The following SYT1 variants were observed in gnomAD, a reference collection of about 807,000 sequenced individuals.
SYT1 encodes synaptotagmin-1.
Under a neutral mutation model 44.8 loss-of-function variants are expected in SYT1, and 8 were observed. That is an observed-to-expected ratio of 0.18 (90% confidence interval 0.10 to 0.32). The LOEUF is 0.32. Ranked by LOEUF, SYT1 falls within the 10% of genes least tolerant of loss-of-function variation. SYT1 has a pLI of 1.00. For missense variants in SYT1, 286 were observed against 509.3 expected, an observed-to-expected ratio of 0.56 and a Z score of 4.22; for synonymous variants, 154 against 188.8, an observed-to-expected ratio of 0.82 and a Z score of 1.51.
chr12:79,323,948 CTT>C (rs56962075), intron 8 of SYT1, among the ~76,000 whole-genome samples: 54 of 112,628 alleles, frequency 4.8e-4, no homozygotes, highest in Middle Eastern at 5.9e-3. Flanking sequence ...TTTCTATTTT[CTT>C]TTTTTTTTTT....
intron 3 of SYT1, among the ~76,000 whole-genome samples, chr12:79,170,209 T>C (rs1871435813): frequency 6.6e-6 from 1 of 152,182 alleles, no homozygotes; most frequent in Non-Finnish European, 1.5e-5. Context: ...TTTGAGTATA[T>C]ACCCAGTAAT....
At chr12:79,037,345 C>T (rs1339113152) in intron 2 of SYT1, among the ~76,000 whole-genome samples, 1 of 151,426 alleles carries the variant, frequency 6.6e-6, no homozygotes, top group Non-Finnish European at 1.5e-5. Flanking sequence ...CATTGTCATC[C>T]CCCCTTTCTA....
intron 3 of SYT1, among the ~76,000 whole-genome samples, chr12:79,047,976 T>C (rs1235763732): frequency 6.6e-6 from 1 of 151,884 alleles, no homozygotes; most frequent in Non-Finnish European, 1.5e-5. Flanking sequence ...TCAATCTTTA[T>C]GGTAAAATTG....
chr12:79,276,705 A>G (rs1878750405), intron 4 of SYT1, among the ~76,000 whole-genome samples: 1 of 151,648 alleles, frequency 6.6e-6, no homozygotes, highest in Non-Finnish European at 1.5e-5. Flanking sequence ...CAGAACTTCT[A>G]GAAATAAAAG....
chr12:79,375,104 CT>C, intron 9 of SYT1, among the ~76,000 whole-genome samples: 1 of 152,160 alleles, frequency 6.6e-6, no homozygotes, highest in East Asian at 1.9e-4. Context: ...AAATATTAAT[CT>C]TTTTTATTTT....
intron 8 of SYT1, among the ~76,000 whole-genome samples, chr12:79,333,245 A>G (rs184388193): frequency 1.3e-3 from 191 of 152,308 alleles, no homozygotes; most frequent in African/African-American, 4.4e-3. Context: ...GTGTCTGATG[A>G]AGTCCGCTTA....
chr12:78,907,725 A>C (rs932518778), intron 1 of SYT1, among the ~76,000 whole-genome samples: 2 of 152,018 alleles, frequency 1.3e-5, no homozygotes, highest in African/African-American at 4.8e-5. Flanking sequence ...CCTCCCAGTT[A>C]TTACTGTCAT....
At chr12:78,926,475 T>G (rs1339811855) in intron 1 of SYT1, 2 of 152,100 alleles carry the variant, frequency 1.3e-5, no homozygotes, top group Non-Finnish European at 2.9e-5. Context: ...TTTGAATTAT[T>G]TTCCTATTTT....
intron 3 of SYT1, among the ~76,000 whole-genome samples, chr12:79,119,084 T>C (rs1232787327): frequency 1.3e-5 from 2 of 152,114 alleles, no homozygotes; most frequent in South Asian, 2.1e-4. Flanking sequence ...ACCCCTAATA[T>C]ATTCCTACAA....
At chr12:79,245,553 G>A (rs1276415289) in intron 4 of SYT1, among the ~76,000 whole-genome samples, 2 of 149,320 alleles carry the variant, frequency 1.3e-5, no homozygotes, top group African/African-American at 4.9e-5. Context: ...TGAGAAGAAT[G>A]TTTATAACAA....
chr12:78,876,929 T>TTATATATTATATGTATTATATATAA (rs1874203637), intron 1 of SYT1, among the ~76,000 whole-genome samples: 2 of 115,884 alleles, frequency 1.7e-5, no homozygotes, highest in African/African-American at 3.2e-5. Flanking sequence ...ATAATATATA[T>TTATATATTATATGTATTATATATAA]TATATATTAT....
At chr12:78,875,455 G>A (rs1397052430) in intron 1 of SYT1, among the ~76,000 whole-genome samples, 1 of 151,554 alleles carries the variant, frequency 6.6e-6, no homozygotes, top group African/African-American at 2.4e-5. Flanking sequence ...TGGGGAATGT[G>A]ATCAACCAAA....
At chr12:78,894,133 C>A (rs1875210297) in intron 1 of SYT1, among the ~76,000 whole-genome samples, 1 of 151,014 alleles carries the variant, frequency 6.6e-6, no homozygotes, top group South Asian at 2.1e-4. Context: ...CACCTGGAAC[C>A]ACTCCTACAT....
chr12:79,174,017 G>C (rs1253953772), intron 3 of SYT1, among the ~76,000 whole-genome samples: 1 of 151,982 alleles, frequency 6.6e-6, no homozygotes, highest in East Asian at 1.9e-4. Context: ...GTAAAGAAGG[G>C]AAAATAATGA....
intron 1 of SYT1, among the ~76,000 whole-genome samples, chr12:78,947,635 T>A (rs1310038608): frequency 6.6e-6 from 1 of 152,012 alleles, no homozygotes; most frequent in Non-Finnish European, 1.5e-5. Flanking sequence ...GCCTACAGAA[T>A]ACAGAAAAGC....
chr12:79,402,522 A>G (rs1885107012), intron 9 of SYT1, among the ~76,000 whole-genome samples: 2 of 152,122 alleles, frequency 1.3e-5, no homozygotes, highest in African/African-American at 4.8e-5. Context: ...TAAGAAACAG[A>G]TTTTCGCAGG....
chr12:79,158,398 A>G (rs540213896), intron 3 of SYT1, among the ~76,000 whole-genome samples: 3 of 152,076 alleles, frequency 2.0e-5, no homozygotes, highest in African/African-American at 4.8e-5. Context: ...CTCAGGTAGT[A>G]ATGTGAGCGA....
chr12:78,867,654 G>A (rs1261796508), intron 1 of SYT1, among the ~76,000 whole-genome samples: 1 of 151,878 alleles, frequency 6.6e-6, no homozygotes, highest in Non-Finnish European at 1.5e-5. Context: ...CTAATATATA[G>A]GGAAAATCCT....
intron 1 of SYT1, among the ~76,000 whole-genome samples, chr12:78,894,258 T>C (rs1408297270): frequency 2.7e-5 from 4 of 150,736 alleles, no homozygotes; most frequent in Non-Finnish European, 4.4e-5. Context: ...AGTATGTTTA[T>C]AGTACTTCGA....
Sources: gnomAD v4.1 joint callset for allele counts (sites outside exome capture counted in the v4.1 genomes callset) on GRCh38, gnomAD v4.1.1 for gene constraint, MANE v1.5 for transcripts, NCBI Gene and HGNC (gene_info 2026-07-23, HGNC 2026-07-21) for gene names.